IPO7: variants seen among roughly 807,000 people sequenced by gnomAD.
IPO7 encodes importin 7.
In IPO7, 13 loss-of-function variants were observed where a neutral mutation model predicts 136.4. The ratio of observed to expected loss-of-function variants is 0.10; its 90% CI spans 0.06 to 0.15. IPO7 has a LOEUF of 0.15. IPO7 is among the 10% of genes least tolerant of loss of function. The pLI is 1.00. For synonymous variants in IPO7, 403 were observed against 404.4 expected, an observed-to-expected ratio of 1.00 and a Z score of 0.04; for missense variants, 857 against 1,240.6, an observed-to-expected ratio of 0.69 and a Z score of 4.65.
At chr11:9,420,580 TAAAG>T (rs1855112768) in intron 7 of IPO7, 30 bp from the exon 8 acceptor site, 10 of 1,574,036 alleles carry the variant, frequency 6.4e-6, no homozygotes, top group Non-Finnish European at 8.7e-6. Flanking sequence ...TAAAGCATTA[TAAAG>T]AAACAATGGG....
intron 1 of IPO7, 88 bp from the exon 2 acceptor site, chr11:9,403,202 C>A: frequency 1.2e-6 from 1 of 849,070 alleles, no homozygotes; most frequent in Non-Finnish European, 2.0e-6. Context: ...GCAAGCCAAG[C>A]AATGGAAATG....
At chr11:9,397,341 A>AAAAATATATATATATATAT in intron 1 of IPO7, among the ~76,000 whole-genome samples, 47 of 10,754 alleles carry the variant, frequency 4.4e-3, no homozygotes, top group Non-Finnish European at 7.1e-3. Flanking sequence ...TTTAAAAAAA[A>AAAAATATATATATATATAT]ATATATATAT....
intron 2 of IPO7, among the ~76,000 whole-genome samples, chr11:9,407,504 G>A (rs1234190769): frequency 4.6e-5 from 7 of 152,066 alleles, no homozygotes; most frequent in African/African-American, 1.2e-4. Context: ...GCAGTGAGCC[G>A]AGATCGCACC....
chr11:9,397,339 A>AT (rs1854724215), intron 1 of IPO7, among the ~76,000 whole-genome samples: 1 of 1,364 alleles, frequency 7.3e-4, no homozygotes, highest in Admixed American at 0.015. Flanking sequence ...AATTTAAAAA[A>AT]AAATATATAT....
chr11:9,387,930 C>A (rs1045512754), intron 1 of IPO7, among the ~76,000 whole-genome samples: 2 of 142,844 alleles, frequency 1.4e-5, no homozygotes, highest in African/African-American at 5.2e-5. Context: ...GGCGGATCAC[C>A]TGAGGTTGGG....
chr11:9,403,266 A>C, intron 1 of IPO7, 24 bp from the exon 2 acceptor site: 1 of 1,531,380 alleles, frequency 6.5e-7, no homozygotes, highest in Non-Finnish European at 9.0e-7. Context: ...GCAGAAGTTT[A>C]AAATGGACTT....
At chr11:9,428,848 C>T (rs1175181788) in intron 13 of IPO7, 183 bp from the exon 14 acceptor site, 2 of 788,556 alleles carry the variant, frequency 2.5e-6, no homozygotes, top group South Asian at 2.7e-5. Context: ...ATCTTGCTAT[C>T]CACACAAACA....
intron 1 of IPO7, among the ~76,000 whole-genome samples, chr11:9,387,045 C>T (rs1385631746): frequency 6.6e-6 from 1 of 152,120 alleles, no homozygotes; most frequent in Non-Finnish European, 1.5e-5. Context: ...TTTCTTGTGG[C>T]AGAACATTGA....
intron 8 of IPO7, among the ~76,000 whole-genome samples, chr11:9,421,231 G>C (rs1855123006): frequency 6.6e-6 from 1 of 151,692 alleles, no homozygotes; most frequent in African/African-American, 2.4e-5. Context: ...AAAGTGCTGG[G>C]ATTACAGGCA....
intron 22 of IPO7, among the ~76,000 whole-genome samples, chr11:9,439,518 A>G (rs1002529237): frequency 2.0e-5 from 3 of 152,172 alleles, no homozygotes; most frequent in Admixed American, 6.6e-5. Flanking sequence ...AGTATTAACA[A>G]AGGTACACAT....
chr11:9,408,653 A>T lies in IPO7; in HGVS notation c.320+14A>T. The T allele has an allele frequency of 6.6e-7, 1 of 1,525,156 alleles. No individual in the cohort carries two copies. Among genetic ancestry groups the T allele is most frequent in the Non-Finnish European group, 8.8e-7 (1 of 1,138,192 alleles). The allele number at this position is 1,525,156 out of a possible 1,614,324, so 94.5% of individuals were successfully genotyped here. Reference sequence around the variant, plus strand: ...TGAGCTCATCAGGTATGTATTTTTAAAATTTACCCATTTCTGCAGGTGTGT... The same window carrying T: ...TGAGCTCATCAGGTATGTATTTTTATAATTTACCCATTTCTGCAGGTGTGT... On this transcript the variant is annotated intron_variant, in intron 3 of 24. Coordinates refer to ENST00000379719, the MANE Select transcript of IPO7 (RefSeq NM_006391.3).
intron 8 of IPO7, among the ~76,000 whole-genome samples, chr11:9,421,860 C>T (rs148610745): frequency 0.014 from 2,186 of 152,056 alleles, 52 homozygotes; most frequent in African/African-American, 0.05. Context: ...AAGAGAATGG[C>T]GTGAACCTGG....
At chr11:9,442,312 AGTT>A in intron 24 of IPO7, 115 bp downstream of exon 24, 2 of 518,542 alleles carry the variant, frequency 3.9e-6, no homozygotes, top group East Asian at 6.4e-5. Context: ...TAAAAGGTAT[AGTT>A]GTTGCAGGTG....
At chr11:9,396,046 A>G (rs1003162083) in intron 1 of IPO7, among the ~76,000 whole-genome samples, 1 of 151,806 alleles carries the variant, frequency 6.6e-6, no homozygotes, top group Admixed American at 6.6e-5. Flanking sequence ...TTTTTCATCC[A>G]TTGCACTTTT....
At chr11:9,404,433 C>G (rs1258978648) in intron 2 of IPO7, among the ~76,000 whole-genome samples, 1 of 151,420 alleles carries the variant, frequency 6.6e-6, no homozygotes, top group African/African-American at 2.4e-5. Flanking sequence ...TCACTGCACA[C>G]CAGCCTGAGC....
chr11:9,423,946 A>C, intron 10 of IPO7, 70 bp downstream of exon 10: 1 of 842,268 alleles, frequency 1.2e-6, no homozygotes, highest in Non-Finnish European at 2.0e-6. Context: ...GCATGTAGCC[A>C]ACCTAGGGGG....
rs1216102933 is a variant in IPO7 at position 9,433,662 on chromosome 11, A to T, written c.1948+26A>T. 8 of 1,612,734 alleles carry T rather than the reference A, an allele frequency of 5.0e-6. No individual in the cohort carries two copies. The African/African-American group carries it at 8.0e-5, about 16-fold the overall frequency. ...GTATTATACCTCTGATTGTGCTAAG[A>T]ATTTAGTGCTATTTCACATGAGCAA... On this transcript the variant is annotated intron_variant, in intron 17 of 24. Coordinates refer to ENST00000379719, the MANE Select transcript of IPO7 (RefSeq NM_006391.3).
intron 23 of IPO7, among the ~76,000 whole-genome samples, chr11:9,441,090 CTTT>C (rs1855454676): frequency 6.6e-6 from 1 of 152,110 alleles, no homozygotes. Context: ...TCTTATAATT[CTTT>C]TTTTCCTATA....
chr11:9,425,978 G>C (rs866349300), intron 12 of IPO7, among the ~76,000 whole-genome samples: 3 of 151,972 alleles, frequency 2.0e-5, no homozygotes, highest in African/African-American at 7.3e-5. Context: ...CTTGGGAGGC[G>C]GAGGCTGCAG....
Sources: allele counts gnomAD v4.1 joint callset (sites outside exome capture counted in the v4.1 genomes callset), GRCh38; gene constraint gnomAD v4.1.1; transcripts MANE v1.5; gene names NCBI Gene and HGNC (gene_info 2026-07-23, HGNC 2026-07-21).